Variants in C9orf153 observed in about 807,000 individuals in gnomAD.
The protein encoded by C9orf153 is uncharacterized protein C9orf153.
Under a neutral mutation model 9.0 loss-of-function variants are expected in C9orf153, and 10 were observed. The observed-to-expected ratio is 1.11, with a 90% confidence interval of 0.69 to 1.89. The LOEUF is 1.89. Ranked by LOEUF, C9orf153 falls within the 40% of genes most tolerant of loss-of-function variation. The pLI is 0.00. For synonymous variants in C9orf153, 35 were observed against 37.3 expected, an observed-to-expected ratio of 0.94 and a Z score of 0.23; for missense variants, 108 against 111.0, an observed-to-expected ratio of 0.97 and a Z score of 0.12.
intron 1 of C9orf153, among the ~76,000 whole-genome samples, chr9:86,233,588 T>G (rs1824515919): frequency 6.6e-6 from 1 of 152,044 alleles, no homozygotes; most frequent in South Asian, 2.1e-4. Flanking sequence ...GGATAATTTT[T>G]GTATTTTTGG....
intron 1 of C9orf153, among the ~76,000 whole-genome samples, chr9:86,231,571 A>G (rs943450964): frequency 8.6e-5 from 13 of 151,056 alleles, no homozygotes; most frequent in African/African-American, 3.2e-4. Flanking sequence ...ACACACAAAA[A>G]CACACACACA....
chr9:86,235,741 C>CAAAAAAAAAAAAAAAAAAAA (rs60165641), intron 1 of C9orf153, among the ~76,000 whole-genome samples: 1 of 22,056 alleles, frequency 4.5e-5, no homozygotes, highest in African/African-American at 1.3e-4. Flanking sequence ...GACTCCATCT[C>CAAAAAAAAAAAAAAAAAAAA]AAAAAAAAAA....
At chr9:86,228,921 A>C (rs2131177467) in intron 2 of C9orf153, 2 of 260,978 alleles carry the variant, frequency 7.7e-6, no homozygotes, top group South Asian at 1.3e-4. Context: ...AACCAGTATG[A>C]GCTCTGCTAC....
chr9:86,258,135 A>G (rs558849084), intron 1 of C9orf153, among the ~76,000 whole-genome samples: 10 of 152,242 alleles, frequency 6.6e-5, no homozygotes, highest in Admixed American at 6.5e-4. Flanking sequence ...CGGGGTCAGG[A>G]GATCAAGACC....
chr9:86,235,586 C>T (rs984582734), intron 1 of C9orf153, among the ~76,000 whole-genome samples: 18 of 151,520 alleles, frequency 1.2e-4, no homozygotes, highest in African/African-American at 3.9e-4. Context: ...GAAACCCTAG[C>T]TCTACTAAAA....
intron 1 of C9orf153, among the ~76,000 whole-genome samples, chr9:86,236,139 C>A (rs1317047057): frequency 6.6e-6 from 1 of 152,056 alleles, no homozygotes; most frequent in East Asian, 1.9e-4. Context: ...ATTACCTCTT[C>A]CTTCTCCTCA....
At chr9:86,256,698 G>A (rs1388440420) in intron 1 of C9orf153, among the ~76,000 whole-genome samples, 1 of 152,132 alleles carries the variant, frequency 6.6e-6, no homozygotes, top group East Asian at 1.9e-4. Context: ...CCTATGCCCA[G>A]GGTTAATTGT....
intron 1 of C9orf153, among the ~76,000 whole-genome samples, chr9:86,237,011 A>G (rs1263878872): frequency 2.0e-5 from 3 of 151,910 alleles, no homozygotes; most frequent in African/African-American, 7.2e-5. Flanking sequence ...ATAAAATGAA[A>G]CAAATGACAA....
chr9:86,238,562 A>G (rs1702231861), intron 1 of C9orf153, among the ~76,000 whole-genome samples: 1 of 152,254 alleles, frequency 6.6e-6, no homozygotes, highest in African/African-American at 2.4e-5. Flanking sequence ...TATTCATTTT[A>G]AAATAGAGAA....
intron 1 of C9orf153, among the ~76,000 whole-genome samples, chr9:86,246,021 T>A (rs539908757): frequency 8.5e-5 from 13 of 152,192 alleles, no homozygotes; most frequent in African/African-American, 1.4e-4. Context: ...AGCTCTCAGT[T>A]ATAAGTCTCC....
chr9:86,251,722 A>C (rs1302719095), intron 1 of C9orf153, among the ~76,000 whole-genome samples: 1 of 152,164 alleles, frequency 6.6e-6, no homozygotes, highest in African/African-American at 2.4e-5. Context: ...AGGTTATAAA[A>C]GGTTTATGGA....
intron 1 of C9orf153, among the ~76,000 whole-genome samples, chr9:86,245,396 C>T (rs1454471055): frequency 6.6e-6 from 1 of 152,202 alleles, no homozygotes; most frequent in Non-Finnish European, 1.5e-5. Flanking sequence ...CTTATACCCA[C>T]TGAAAAACTC....
chr9:86,221,726 T>C lies in C9orf153; in HGVS notation c.250A>G (p.Ile84Val), dbSNP rs1252326100. The C allele has an allele frequency of 2.6e-6, 4 of 1,541,594 alleles. No homozygotes were observed. Among genetic ancestry groups the C allele is most frequent in the Non-Finnish European group, 3.5e-6 (4 of 1,138,886 alleles). ...ATTCCAGATCCCTTAGATTCATGAA[T>C]TGTTTTCCTGAAAAGAATCATATTT... Reference protein sequence around the residue: ...GDLQPVIRKTIHESKGSGMEI... With the variant: ...GDLQPVIRKTVHESKGSGMEI... The change falls in exon 4 of 4, where the codon ATT (isoleucine) becomes GTT (valine). Residue 84 changes from isoleucine to valine, a missense_variant. Transcript: ENST00000339137.
At chr9:86,235,204 C>G (rs528812269) in intron 1 of C9orf153, among the ~76,000 whole-genome samples, 5 of 152,250 alleles carry the variant, frequency 3.3e-5, no homozygotes, top group Non-Finnish European at 7.3e-5. Flanking sequence ...CTGGAATTAC[C>G]AGACTGTGAA....
intron 1 of C9orf153, among the ~76,000 whole-genome samples, chr9:86,252,779 A>G (rs1436348915): frequency 6.6e-6 from 1 of 152,238 alleles, no homozygotes; most frequent in African/African-American, 2.4e-5. Context: ...CAGGTTCCTG[A>G]TAACTTTAGA....
intron 1 of C9orf153, among the ~76,000 whole-genome samples, chr9:86,248,700 C>A (rs2131202265): frequency 6.6e-6 from 1 of 152,178 alleles, no homozygotes; most frequent in South Asian, 2.1e-4. Context: ...GTTGGGTGAC[C>A]TGAACCTGTT....
intron 1 of C9orf153, among the ~76,000 whole-genome samples, chr9:86,237,639 A>G (rs1453797222): frequency 6.6e-6 from 1 of 152,214 alleles, no homozygotes; most frequent in Non-Finnish European, 1.5e-5. Context: ...AGATACAGAA[A>G]GAGATATTAT....
chr9:86,221,592 T>C lies in C9orf153; in HGVS notation c.*96A>G. On this transcript the variant is annotated 3_prime_UTR_variant, in exon 4 of 4. Coordinates refer to ENST00000339137, the MANE Select transcript of C9orf153 (RefSeq NM_001276366.4). ...GCGAACTATAGGGGGGAAAATAACG[T>C]CAGGCATGTCCTGGCTCTCTACAAA... 1 of 1,443,242 alleles carries C rather than the reference T, an allele frequency of 6.9e-7. No individual in the cohort carries two copies. Among genetic ancestry groups the C allele is most frequent in the South Asian group, 1.5e-5 (1 of 65,834 alleles). 89.4% of individuals were successfully genotyped at this position (1,443,242 alleles called of 1,614,324 possible).
At chr9:86,243,010 G>C (rs933057786) in intron 1 of C9orf153, among the ~76,000 whole-genome samples, 1 of 152,214 alleles carries the variant, frequency 6.6e-6, no homozygotes. Context: ...AAGGGAGTTA[G>C]TGCGAAGGCA....
Sources: gnomAD v4.1 joint callset for allele counts (sites outside exome capture counted in the v4.1 genomes callset) on GRCh38, gnomAD v4.1.1 for gene constraint, MANE v1.5 for transcripts, NCBI Gene and HGNC (gene_info 2026-07-23, HGNC 2026-07-21) for gene names.